Variants in PTPRD observed in about 807,000 individuals in gnomAD.
PTPRD encodes the protein protein tyrosine phosphatase receptor type D.
A neutral mutation model predicts 214.5 loss-of-function variants in PTPRD; 34 were observed. That is an observed-to-expected ratio of 0.16 (90% CI 0.12 to 0.21). PTPRD has a LOEUF of 0.21. Among genes scored for constraint, PTPRD ranks in the 10% least tolerant of loss-of-function variants. The pLI is 1.00. For missense variants in PTPRD, 2,545 were observed against 2,398.7 expected (o/e 1.06, Z -1.27); for synonymous variants, 1,128 against 845.7 (o/e 1.33, Z -5.79).
At chr9:10,008,149 T>C (rs1309382647) in intron 4 of PTPRD, among the ~76,000 whole-genome samples, 1 of 151,950 alleles carries the variant, frequency 6.6e-6, no homozygotes, top group East Asian at 1.9e-4. Flanking sequence ...AATTCCCTGT[T>C]GGCCCAGGGA....
intron 39 of PTPRD, among the ~76,000 whole-genome samples, chr9:8,358,344 A>G (rs2077488915): frequency 6.6e-6 from 1 of 152,044 alleles, no homozygotes. Flanking sequence ...TAAAGTCCTG[A>G]CTGAGTTGAT....
At chr9:8,805,966 G>C (rs1478680376) in intron 11 of PTPRD, among the ~76,000 whole-genome samples, 1 of 138,234 alleles carries the variant, frequency 7.2e-6, no homozygotes, top group Non-Finnish European at 1.5e-5. Context: ...CTGCACTCCA[G>C]CCTGGGCTAC....
chr9:10,031,649 C>T (rs10958832), intron 4 of PTPRD, among the ~76,000 whole-genome samples: 30,884 of 81,036 alleles, frequency 0.38, 4,571 homozygotes, highest in South Asian at 0.43. Context: ...TATATATATA[C>T]ACACACACAC....
chr9:10,455,214 G>C (rs533335642), intron 2 of PTPRD, among the ~76,000 whole-genome samples: 1 of 151,788 alleles, frequency 6.6e-6, no homozygotes, highest in Admixed American at 6.6e-5. Flanking sequence ...CTGCTGACGA[G>C]AGCTTTCCAA....
At chr9:8,473,773 A>G (rs1216483465) in intron 30 of PTPRD, among the ~76,000 whole-genome samples, 1 of 152,042 alleles carries the variant, frequency 6.6e-6, no homozygotes, top group Non-Finnish European at 1.5e-5. Flanking sequence ...AGCCTCCCCC[A>G]CGGCAATTAA....
intron 11 of PTPRD, among the ~76,000 whole-genome samples, chr9:8,938,459 C>G (rs531868575): frequency 6.6e-6 from 1 of 152,280 alleles, no homozygotes; most frequent in African/African-American, 2.4e-5. Flanking sequence ...CCCCATTAAT[C>G]CGCCTTGCTG....
chr9:10,287,458 T>A (rs923226133), intron 3 of PTPRD, among the ~76,000 whole-genome samples: 3 of 152,166 alleles, frequency 2.0e-5, no homozygotes, highest in African/African-American at 7.2e-5. Flanking sequence ...TGTTTCTGGT[T>A]AAATGACCCC....
intron 6 of PTPRD, among the ~76,000 whole-genome samples, chr9:9,761,593 T>C (rs944699128): frequency 4.6e-5 from 7 of 152,176 alleles, no homozygotes; most frequent in Non-Finnish European, 8.8e-5. Flanking sequence ...TTTATCTCAA[T>C]TTCAATATGC....
chr9:8,543,755 C>T (rs2079095695), intron 14 of PTPRD, among the ~76,000 whole-genome samples: 1 of 152,024 alleles, frequency 6.6e-6, no homozygotes, highest in South Asian at 2.1e-4. Context: ...CTCTGTTGTC[C>T]AGGCTGGAGT....
chr9:10,609,107 T>A (rs917094490), intron 2 of PTPRD, among the ~76,000 whole-genome samples: 3 of 152,098 alleles, frequency 2.0e-5, no homozygotes, highest in Non-Finnish European at 4.4e-5. Flanking sequence ...AAATTCAGGA[T>A]AGGTGTAAGC....
At chr9:9,716,491 T>A (rs1197642604) in intron 7 of PTPRD, among the ~76,000 whole-genome samples, 1 of 152,040 alleles carries the variant, frequency 6.6e-6, no homozygotes, top group African/African-American at 2.4e-5. Context: ...GTGTTCCTAT[T>A]TCTCCACATC....
intron 7 of PTPRD, among the ~76,000 whole-genome samples, chr9:9,626,571 G>C (rs149312390): frequency 8.5e-5 from 13 of 152,116 alleles, no homozygotes; most frequent in African/African-American, 3.1e-4. Flanking sequence ...AAGGGACGGA[G>C]AAAAGGAGGG....
intron 10 of PTPRD, among the ~76,000 whole-genome samples, chr9:9,061,176 C>T (rs1007399597): frequency 2.6e-5 from 4 of 152,064 alleles, no homozygotes; most frequent in Non-Finnish European, 5.9e-5. Flanking sequence ...GTTACCTGGG[C>T]TATTCATTTT....
At chr9:9,483,240 G>A (rs1469204895) in intron 8 of PTPRD, among the ~76,000 whole-genome samples, 11 of 152,098 alleles carry the variant, frequency 7.2e-5, no homozygotes, top group Admixed American at 5.9e-4. Flanking sequence ...ATGATCACAG[G>A]TGCATTTTTA....
chr9:9,334,029 G>A (rs952313507), intron 9 of PTPRD, among the ~76,000 whole-genome samples: 1 of 151,740 alleles, frequency 6.6e-6, no homozygotes, highest in Non-Finnish European at 1.5e-5. Flanking sequence ...AATAATGCCT[G>A]GCACAAAGAA....
At chr9:8,606,294 G>C (rs1253952844) in intron 14 of PTPRD, among the ~76,000 whole-genome samples, 1 of 152,168 alleles carries the variant, frequency 6.6e-6, no homozygotes, top group Non-Finnish European at 1.5e-5. Flanking sequence ...TACAATTAGA[G>C]AATGCTAATG....
chr9:9,122,749 C>T (rs2099818804), intron 10 of PTPRD, among the ~76,000 whole-genome samples: 2 of 152,096 alleles, frequency 1.3e-5, no homozygotes, highest in South Asian at 4.1e-4. Context: ...ATGGACTATA[C>T]CCATACTCTC....
chr9:9,915,788 G>A (rs2080576983), intron 5 of PTPRD, among the ~76,000 whole-genome samples: 2 of 151,932 alleles, frequency 1.3e-5, no homozygotes, highest in South Asian at 2.1e-4. Context: ...GAAAAAAGGT[G>A]AGAAAATCAT....
intron 3 of PTPRD, among the ~76,000 whole-genome samples, chr9:10,177,450 A>G (rs1346320569): frequency 1.5e-5 from 1 of 65,818 alleles, no homozygotes; most frequent in Non-Finnish European, 3.0e-5. Flanking sequence ...AAAATGTTGT[A>G]AAAAAAAAAA....
Sources: allele counts gnomAD v4.1 joint callset (sites outside exome capture counted in the v4.1 genomes callset), GRCh38; gene constraint gnomAD v4.1.1; transcripts MANE v1.5; gene names NCBI Gene and HGNC (gene_info 2026-07-23, HGNC 2026-07-21).